DNER: variants seen among roughly 807,000 people sequenced by gnomAD.
DNER encodes delta/notch like EGF repeat containing.
Under a neutral mutation model 78.2 loss-of-function variants are expected in DNER, and 33 were observed. The ratio of observed to expected loss-of-function variants is 0.42; its 90% CI spans 0.32 to 0.56. The LOEUF (loss-of-function observed/expected upper bound fraction) is 0.56. Among genes scored for constraint, DNER ranks in the 20% least tolerant of loss-of-function variants. DNER has a pLI of 0.11. For synonymous variants in DNER, 417 were observed against 384.8 expected (o/e 1.08, Z -0.98); for missense variants, 918 against 975.3 (o/e 0.94, Z 0.78).
At chr2:229,443,094 T>A (rs1694269523) in intron 8 of DNER, among the ~76,000 whole-genome samples, 1 of 151,324 alleles carries the variant, frequency 6.6e-6, no homozygotes, top group Non-Finnish European at 1.5e-5. Context: ...AGATCTTGCT[T>A]GTTAAAAAAA....
intron 5 of DNER, among the ~76,000 whole-genome samples, chr2:229,530,124 A>T (rs929746171): frequency 6.6e-6 from 1 of 152,208 alleles, no homozygotes; most frequent in African/African-American, 2.4e-5. Flanking sequence ...GCAAAAAAAA[A>T]TTTTAAGTTT....
At chr2:229,701,450 A>G (rs1699744749) in intron 1 of DNER, among the ~76,000 whole-genome samples, 1 of 152,238 alleles carries the variant, frequency 6.6e-6, no homozygotes, top group Non-Finnish European at 1.5e-5. Context: ...CACTTATACA[A>G]AAAATGCTCA....
intron 11 of DNER, among the ~76,000 whole-genome samples, chr2:229,387,552 AAAGAAAGAAAG>A (rs1179952709): frequency 3.3e-5 from 5 of 150,384 alleles, no homozygotes; most frequent in African/African-American, 9.8e-5. Context: ...AGAAAGAAAG[AAAGAAAGAAAG>A]AAAGAAAAGA....
chr2:229,673,449 G>T (rs540870390), intron 1 of DNER, among the ~76,000 whole-genome samples: 1 of 152,304 alleles, frequency 6.6e-6, no homozygotes, highest in South Asian at 2.1e-4. Flanking sequence ...GTCTTCGGAG[G>T]TTTCTGTCAT....
At chr2:229,480,176 T>C (rs1247746957) in intron 6 of DNER, among the ~76,000 whole-genome samples, 3 of 152,322 alleles carry the variant, frequency 2.0e-5, no homozygotes, top group South Asian at 2.1e-4. Context: ...TACTTAAACA[T>C]AGAGAGATGA....
intron 6 of DNER, among the ~76,000 whole-genome samples, chr2:229,486,714 T>A (rs1695283483): frequency 6.6e-6 from 1 of 152,232 alleles, no homozygotes; most frequent in African/African-American, 2.4e-5. Context: ...GTGAAATTTA[T>A]GGATTTTAAA....
chr2:229,482,211 A>G (rs1559363564), intron 6 of DNER, among the ~76,000 whole-genome samples: 1 of 152,228 alleles, frequency 6.6e-6, no homozygotes, highest in African/African-American at 2.4e-5. Flanking sequence ...TATTGTCACA[A>G]CCACATAATA....
intron 5 of DNER, among the ~76,000 whole-genome samples, chr2:229,532,762 A>C (rs1383039194): frequency 7.9e-5 from 12 of 152,254 alleles, no homozygotes; most frequent in Non-Finnish European, 1.5e-5. Context: ...CCACTTTAGA[A>C]GATTTCTATA....
chr2:229,405,577 C>A (rs1454258673), intron 10 of DNER, among the ~76,000 whole-genome samples: 3 of 148,560 alleles, frequency 2.0e-5, no homozygotes, highest in Non-Finnish European at 3.0e-5. Context: ...AAAAATAAAA[C>A]AGAAGCTATT....
chr2:229,477,019 A>G (rs1373103280), intron 7 of DNER, 121 bp downstream of exon 7: 1 of 749,474 alleles, frequency 1.3e-6, no homozygotes, highest in Non-Finnish European at 2.1e-6. Flanking sequence ...TGTTTTATAA[A>G]TCAAACAAAA....
chr2:229,568,990 T>C (rs1007132590), intron 4 of DNER, among the ~76,000 whole-genome samples: 2 of 152,238 alleles, frequency 1.3e-5, no homozygotes, highest in African/African-American at 4.8e-5. Flanking sequence ...TATCTATGTG[T>C]GTGCATATAC....
At chr2:229,388,955 G>A (rs1232497867) in intron 10 of DNER, among the ~76,000 whole-genome samples, 2 of 151,998 alleles carry the variant, frequency 1.3e-5, no homozygotes, top group Non-Finnish European at 2.9e-5. Context: ...ACATAGCTGT[G>A]CACCCAGCCT....
At chr2:229,609,389 G>C (rs900832976) in intron 1 of DNER, among the ~76,000 whole-genome samples, 2 of 152,132 alleles carry the variant, frequency 1.3e-5, no homozygotes, top group African/African-American at 4.8e-5. Context: ...GCTTTTTAAA[G>C]GTTGGAAAAA....
At chr2:229,692,599 T>C (rs1040912646) in intron 1 of DNER, among the ~76,000 whole-genome samples, 4 of 152,234 alleles carry the variant, frequency 2.6e-5, no homozygotes, top group Non-Finnish European at 4.4e-5. Context: ...CTTCTGAATA[T>C]ATTGGGCAAA....
chr2:229,466,032 G>C (rs1559359111), intron 7 of DNER, among the ~76,000 whole-genome samples: 1 of 152,070 alleles, frequency 6.6e-6, no homozygotes, highest in Non-Finnish European at 1.5e-5. Context: ...CTCATCTAAA[G>C]CAGTGTAACA....
At chr2:229,464,101 A>T (rs1559358603) in intron 7 of DNER, among the ~76,000 whole-genome samples, 3 of 152,232 alleles carry the variant, frequency 2.0e-5, no homozygotes, top group Admixed American at 2.0e-4. Flanking sequence ...ACAGGAGTTG[A>T]CTTGGCAGAA....
intron 4 of DNER, among the ~76,000 whole-genome samples, chr2:229,554,895 GAGAAGAGAAGAGAAGAGAA>G (rs1559165450): frequency 1.6e-4 from 15 of 92,792 alleles, no homozygotes; most frequent in Admixed American, 1.4e-3. Context: ...GAGAAGAGAA[GAGAAGAGAAGAGAAGAGAA>G]GAGAAGAGAA....
At chr2:229,521,282 C>T (rs1197661017) in intron 5 of DNER, among the ~76,000 whole-genome samples, 1 of 152,196 alleles carries the variant, frequency 6.6e-6, no homozygotes, top group African/African-American at 2.4e-5. Flanking sequence ...AAGCAGCCAT[C>T]AGTGGGAGGA....
At chr2:229,653,366 C>T (rs556251714) in intron 1 of DNER, among the ~76,000 whole-genome samples, 2 of 152,260 alleles carry the variant, frequency 1.3e-5, no homozygotes, top group East Asian at 1.9e-4. Flanking sequence ...AAGCAAATTC[C>T]GGTTTTTGTT....
Sources: allele counts gnomAD v4.1 joint callset (sites outside exome capture counted in the v4.1 genomes callset), GRCh38; gene constraint gnomAD v4.1.1; transcripts MANE v1.5; gene names NCBI Gene and HGNC (gene_info 2026-07-23, HGNC 2026-07-21).